The following PMS1 variants were observed in gnomAD, a reference collection of about 807,000 sequenced individuals.
The protein encoded by PMS1 is PMS1 protein homolog 1.
PMS1 carries 79 observed loss-of-function variants against 93.1 expected under a neutral mutation model. That is an observed-to-expected ratio of 0.85 (90% CI 0.71 to 1.02). The LOEUF (loss-of-function observed/expected upper bound fraction) is 1.02, where lower values mean the gene tolerates loss of function less well. Among genes scored for constraint, PMS1 ranks in the 50% least tolerant of loss-of-function variants. The pLI, the probability that PMS1 is intolerant of heterozygous loss-of-function variation, is 0.00. For synonymous variants in PMS1, 335 were observed against 363.4 expected, an observed-to-expected ratio of 0.92 and a Z score of 0.89; for missense variants, 1,064 against 1,085.3, an observed-to-expected ratio of 0.98 and a Z score of 0.28.
intron 5 of PMS1, among the ~76,000 whole-genome samples, chr2:189,841,603 A>G (rs1159936038): frequency 6.6e-6 from 1 of 151,954 alleles, no homozygotes; most frequent in Non-Finnish European, 1.5e-5. Context: ...ATTATACGTA[A>G]TATCATTACC....
At chr2:189,810,254 G>A (rs979315022) in intron 4 of PMS1, among the ~76,000 whole-genome samples, 2 of 152,174 alleles carry the variant, frequency 1.3e-5, no homozygotes, top group Admixed American at 6.5e-5. Context: ...AGATTTTCAA[G>A]AGACCATTGC....
rs751444288 is a variant in PMS1, at chr2:189,849,867, C to CTTTT, written c.700-2772_700-2769dup. 3.4e-3 allele frequency among the ~76,000 whole-genome samples: 400 copies of CTTTT among 118,824 alleles called. 6 individuals are homozygous for CTTTT. Among genetic ancestry groups the CTTTT allele is most frequent in the East Asian group, 0.02 (83 of 4,156 alleles). 78.0% of individuals were successfully genotyped at this position (118,824 alleles called of 152,430 possible). A position where few individuals can be genotyped will look rare whatever the true frequency, so the allele number is the denominator to read the frequency against. On this transcript the variant is annotated intron_variant, in intron 6 of 12. Coordinates refer to ENST00000441310, the MANE Select transcript of PMS1 (RefSeq NM_000534.5). ...AGACAGTGGCCACGGTATTTTTAAA[C>CTTTT]TTTTTTTTTTTTTTTTTTTGGAGAA...
At chr2:189,856,630 G>A (rs1228922973) in intron 9 of PMS1, among the ~76,000 whole-genome samples, 1 of 152,054 alleles carries the variant, frequency 6.6e-6, no homozygotes, top group Non-Finnish European at 1.5e-5. Context: ...AATACAGTAA[G>A]CCCACAAAAG....
Position 189,795,796 on chromosome 2 carries a change from G to A in PMS1, c.160G>A (p.Val54Met), listed in dbSNP as rs2106232986. The A allele has an allele frequency of 6.2e-7, 1 of 1,613,800 alleles. No homozygotes were observed. Among genetic ancestry groups the A allele is most frequent in the Non-Finnish European group, 8.5e-7 (1 of 1,179,716 alleles). ...GAACTATGGATTTGATAAAATTGAG[G>A]TGCGAGATAACGGGGAGGGTATCAA... Reference protein sequence around the residue: ...LENYGFDKIEVRDNGEGIKAV... With the variant: ...LENYGFDKIEMRDNGEGIKAV... The change falls in exon 3 of 13, where the codon GTG (valine) becomes ATG (methionine). Residue 54 changes from valine (V) to methionine (M), a missense_variant. Coordinates refer to ENST00000441310, the MANE Select transcript of PMS1 (RefSeq NM_000534.5).
intron 1 of PMS1, among the ~76,000 whole-genome samples, chr2:189,787,226 A>C (rs1193670209): frequency 6.6e-6 from 1 of 152,220 alleles, no homozygotes; most frequent in Non-Finnish European, 1.5e-5. Context: ...TGTGGAAGCC[A>C]ATTGAAATTA....
At chr2:189,804,104 C>T (rs1309761361) in intron 3 of PMS1, among the ~76,000 whole-genome samples, 1 of 152,156 alleles carries the variant, frequency 6.6e-6, no homozygotes, top group Non-Finnish European at 1.5e-5. Flanking sequence ...TAAAGATGAT[C>T]TGTGTAATCA....
At chr2:189,874,767 G>A (rs1164965116) in intron 12 of PMS1, among the ~76,000 whole-genome samples, 1 of 152,184 alleles carries the variant, frequency 6.6e-6, no homozygotes, top group African/African-American at 2.4e-5. Context: ...ACTTTGTCAT[G>A]TGGAAATTCC....
At chr2:189,790,228 A>T (rs976597836) in intron 1 of PMS1, among the ~76,000 whole-genome samples, 1 of 152,222 alleles carries the variant, frequency 6.6e-6, no homozygotes, top group Non-Finnish European at 1.5e-5. Context: ...AAGACATTAT[A>T]ATTCATCAGA....
intron 9 of PMS1, among the ~76,000 whole-genome samples, chr2:189,858,986 C>T (rs1189321744): frequency 6.6e-6 from 1 of 152,008 alleles, no homozygotes; most frequent in Non-Finnish European, 1.5e-5. Context: ...ATTTTTATTT[C>T]TTCACATTCC....
chr2:189,784,856 C>T (rs1899025), intron 1 of PMS1: 89,746 of 152,236 alleles, frequency 0.59, 29,972 homozygotes, highest in Non-Finnish European at 0.74. Flanking sequence ...AATTTGTTTT[C>T]CAGGCAGCAG....
chr2:189,876,896 C>T (rs2057620687), intron 12 of PMS1, among the ~76,000 whole-genome samples: 2 of 151,790 alleles, frequency 1.3e-5, no homozygotes, highest in Non-Finnish European at 2.9e-5. Context: ...CAGGCCTGAG[C>T]CACTGCACCC....
chr2:189,858,458 T>G (rs900296554), intron 9 of PMS1, among the ~76,000 whole-genome samples: 4 of 152,180 alleles, frequency 2.6e-5, no homozygotes, highest in Non-Finnish European at 2.9e-5. Flanking sequence ...TCCATTCAAG[T>G]TACTAAATCC....
intron 4 of PMS1, among the ~76,000 whole-genome samples, chr2:189,808,500 G>A (rs2106288803): frequency 6.6e-6 from 1 of 151,958 alleles, no homozygotes; most frequent in East Asian, 1.9e-4. Flanking sequence ...GCGAATTTTT[G>A]TGTTTTTTTT....
At chr2:189,864,448 G>C in intron 10 of PMS1, 32 of 461,086 alleles carry the variant, frequency 6.9e-5, no homozygotes, top group Non-Finnish European at 1.3e-4. Context: ...ACGAGGTCAG[G>C]AGTTTGAGAC....
At chr2:189,830,750 T>C (rs546018027) in intron 5 of PMS1, among the ~76,000 whole-genome samples, 1 of 152,320 alleles carries the variant, frequency 6.6e-6, no homozygotes, top group East Asian at 1.9e-4. Context: ...ATTATGCTGG[T>C]GGCACCAGCC....
In PMS1 at chr2:189,835,241, T is replaced by C. The variant is rs72905347; in HGVS notation, c.583-8723T>C. On this transcript the variant is annotated intron_variant, in intron 5 of 12. Coordinates refer to ENST00000441310, the MANE Select transcript of PMS1 (RefSeq NM_000534.5). The stretch of plus-strand genomic sequence containing the variant: ...TATAAAATTAAATAAGTGTAAGAGA[T>C]TTTAGAACTCATTTATACTGCATAA... 3.3e-3 allele frequency among the ~76,000 whole-genome samples: 496 copies of C among 152,312 alleles called. 4 individuals carry two copies. Among genetic ancestry groups the C allele is most frequent in the Middle Eastern group, 0.01 (3 of 294 alleles).
At chr2:189,838,374 G>A (rs2053560009) in intron 5 of PMS1, among the ~76,000 whole-genome samples, 2 of 152,062 alleles carry the variant, frequency 1.3e-5, no homozygotes, top group South Asian at 4.2e-4. Flanking sequence ...TTCCTTTAAC[G>A]AAAGTATTTA....
chr2:189,820,571 C>T (rs181177941), intron 5 of PMS1, among the ~76,000 whole-genome samples: 46 of 152,210 alleles, frequency 3.0e-4, no homozygotes, highest in African/African-American at 8.4e-4. Flanking sequence ...AATACACGCT[C>T]CCAAAGTGCT....
At chr2:189,838,270 A>G (rs2053552016) in intron 5 of PMS1, among the ~76,000 whole-genome samples, 2 of 152,210 alleles carry the variant, frequency 1.3e-5, no homozygotes, top group African/African-American at 4.8e-5. Flanking sequence ...GTGGTGTGAC[A>G]ACTAGCAGCC....
Sources: allele counts gnomAD v4.1 joint callset (sites outside exome capture counted in the v4.1 genomes callset), GRCh38; gene constraint gnomAD v4.1.1; transcripts MANE v1.5; gene names NCBI Gene and HGNC (gene_info 2026-07-23, HGNC 2026-07-21).